The following EIF3E variants were observed in gnomAD, a reference collection of about 807,000 sequenced individuals.
EIF3E encodes the protein eIF-3 p48.
In EIF3E, 25 loss-of-function variants were observed where a neutral mutation model predicts 59.3. That is an observed-to-expected ratio of 0.42 (90% confidence interval 0.31 to 0.59). The LOEUF (loss-of-function observed/expected upper bound fraction) is 0.59. Among genes scored for constraint, EIF3E ranks in the 20% least tolerant of loss-of-function variants. EIF3E has a pLI of 0.15. For synonymous variants in EIF3E, 176 were observed against 170.2 expected (o/e 1.03, Z -0.26); for missense variants, 317 against 534.3 (o/e 0.59, Z 4.01).
At chr8:108,229,348 G>A in intron 5 of EIF3E, 153 bp from the exon 6 acceptor site, 2 of 675,124 alleles carry the variant, frequency 3.0e-6, no homozygotes, top group Non-Finnish European at 4.4e-6. Context: ...GGATCACACT[G>A]GTTTGTTTCA....
intron 7 of EIF3E, among the ~76,000 whole-genome samples, chr8:108,220,078 G>GGTTA (rs1277209257): frequency 6.6e-6 from 1 of 152,034 alleles, no homozygotes; most frequent in Non-Finnish European, 1.5e-5. Flanking sequence ...GGGAGGTGGA[G>GGTTA]GTTGCAGTGA....
intron 3 of EIF3E, among the ~76,000 whole-genome samples, chr8:108,237,886 G>A (rs918433358): frequency 3.9e-5 from 6 of 152,144 alleles, no homozygotes; most frequent in Non-Finnish European, 8.8e-5. Context: ...AATTTAAAAA[G>A]GGTGAATTGT....
chr8:108,227,673 G>C (rs964263010), intron 7 of EIF3E: 2 of 152,198 alleles, frequency 1.3e-5, no homozygotes, highest in Non-Finnish European at 2.9e-5. Context: ...AACATCTAAA[G>C]AGTTTCCATG....
chr8:108,245,296 T>C (rs1311713430), intron 1 of EIF3E, among the ~76,000 whole-genome samples: 4 of 151,918 alleles, frequency 2.6e-5, no homozygotes, highest in African/African-American at 4.8e-5. Flanking sequence ...TGAAACCCCA[T>C]CTCTACAAAA....
rs761963877 is a variant in EIF3E, at chr8:108,236,224, A to G, written c.324-21T>C. ...CATCCCTAAATAATAAAAAACAAAA[A>G]TTACATTATTTTAAAGGCCACAGAA... is the stretch of plus-strand genomic sequence containing the variant. On this transcript the variant is annotated intron_variant, in intron 3 of 12. Coordinates refer to ENST00000220849, the MANE Select transcript of EIF3E (RefSeq NM_001568.3). The G allele has an allele frequency of 7.5e-6, 12 of 1,600,924 alleles. No individual in the cohort carries two copies. In the South Asian group the frequency reaches 1.3e-4, roughly 18 times the overall value.
intron 1 of EIF3E, among the ~76,000 whole-genome samples, chr8:108,245,986 T>C (rs1815940758): frequency 6.6e-6 from 1 of 152,068 alleles, no homozygotes; most frequent in South Asian, 2.1e-4. Context: ...CAATCCTATA[T>C]TTACTGTTTT....
chr8:108,232,568 G>A (rs1815644124), intron 5 of EIF3E, among the ~76,000 whole-genome samples: 1 of 152,062 alleles, frequency 6.6e-6, no homozygotes, highest in South Asian at 2.1e-4. Flanking sequence ...GTACAAACCT[G>A]TCACTTGTAG....
At chr8:108,214,850 G>T in intron 9 of EIF3E, 134 bp from the exon 10 acceptor site, 1 of 704,254 alleles carries the variant, frequency 1.4e-6, no homozygotes, top group Non-Finnish European at 2.3e-6. Flanking sequence ...CTAGAACACT[G>T]TGTTCAAATC....
At chr8:108,248,294 C>T (rs1815987132) in intron 1 of EIF3E, among the ~76,000 whole-genome samples, 1 of 151,444 alleles carries the variant, frequency 6.6e-6, no homozygotes, top group East Asian at 1.9e-4. Flanking sequence ...CTGTGAAGCT[C>T]TAACGTTCTC....
intron 2 of EIF3E, among the ~76,000 whole-genome samples, chr8:108,240,885 CAGG>C (rs1586210802): frequency 6.6e-6 from 1 of 151,912 alleles, no homozygotes; most frequent in East Asian, 1.9e-4. Context: ...GAGGCTGAGG[CAGG>C]AGAATGGCGT....
At position 108,211,366 on chromosome 8, in the gene EIF3E, CAT is replaced by C. The variant is rs543716490; in HGVS notation, c.1061+3239_1061+3240del. 4.2e-3 allele frequency among the ~76,000 whole-genome samples: 632 copies of C among 152,254 alleles called. 4 individuals carry two copies. The highest frequency in any genetic ancestry group is 0.014 in the African/African-American group (601 of 41,536). ...TGGCCAGTGATGATGAGCATTTTTTCATATGTCTGTTGGCTGCATAAATGTCT... is the reference window on the plus strand; with the variant it reads ...TGGCCAGTGATGATGAGCATTTTTTCATGTCTGTTGGCTGCATAAATGTCT... On this transcript the variant is annotated intron_variant, in intron 10 of 12. Coordinates refer to ENST00000220849, the MANE Select transcript of EIF3E (RefSeq NM_001568.3).
intron 6 of EIF3E, 52 bp from the exon 7 acceptor site, chr8:108,228,443 G>A (rs1430040781): frequency 1.5e-6 from 2 of 1,313,402 alleles, no homozygotes; most frequent in East Asian, 2.9e-5. Flanking sequence ...TAAGAAAGAG[G>A]CAGGAGGACA....
intron 7 of EIF3E, among the ~76,000 whole-genome samples, chr8:108,226,896 T>C (rs997385795): frequency 2.0e-5 from 3 of 152,228 alleles, no homozygotes; most frequent in African/African-American, 7.2e-5. Flanking sequence ...GCCAAGTATA[T>C]AGTATTTCCT....
At chr8:108,210,892 T>C (rs1427572983) in intron 10 of EIF3E, among the ~76,000 whole-genome samples, 1 of 152,056 alleles carries the variant, frequency 6.6e-6, no homozygotes, top group African/African-American at 2.4e-5. Context: ...TGATGGTTTC[T>C]AGCTTCATCC....
At chr8:108,228,713 T>A (rs1262064857) in intron 6 of EIF3E, among the ~76,000 whole-genome samples, 1 of 152,198 alleles carries the variant, frequency 6.6e-6, no homozygotes, top group Non-Finnish European at 1.5e-5. Flanking sequence ...CATTTCATAG[T>A]AAGTGGTTTA....
Position 108,248,669 on chromosome 8 carries a change from G to A in EIF3E, c.34C>T (p.His12Tyr). 1 of 1,614,196 alleles carries A rather than the reference G, an allele frequency of 6.2e-7. No individual in the cohort carries two copies. Among genetic ancestry groups the A allele is most frequent in the Non-Finnish European group, 8.5e-7 (1 of 1,180,032 alleles). The change falls in exon 1 of 13, where the codon CAC becomes TAC. Residue 12 changes from histidine to tyrosine, a missense_variant. Around this residue, in one of 4 missense-constraint regions of EIF3E, gnomAD observed 30 missense variants for 22.2 expected, o/e 1.35. Transcript: ENST00000220849. ...AEYDLTTRIA[H>Y]FLDRHLVFPL... ...AAGACTAGATGCCGATCCAAAAAGT[G>A]CGCGATGCGAGTAGTCAAGTCGTAC...
chr8:108,236,256 A>G (rs1815727558), intron 3 of EIF3E, 53 bp from the exon 4 acceptor site: 8 of 1,434,518 alleles, frequency 5.6e-6, no homozygotes, highest in Non-Finnish European at 7.7e-6. Flanking sequence ...AGAAAACAAA[A>G]TAAGCATATC....
chr8:108,211,160 A>G (rs1412610910), intron 10 of EIF3E, among the ~76,000 whole-genome samples: 1 of 152,176 alleles, frequency 6.6e-6, no homozygotes, highest in African/African-American at 2.4e-5. Flanking sequence ...TAGATCCTTG[A>G]GGAATCACCA....
intron 10 of EIF3E, among the ~76,000 whole-genome samples, chr8:108,204,778 G>GAC (rs1815066411): frequency 5.7e-5 from 7 of 123,684 alleles, no homozygotes; most frequent in Non-Finnish European, 4.8e-5. Context: ...GAGAGAGAGA[G>GAC]AGACAGAGAG....
Sources: allele counts gnomAD v4.1 joint callset (sites outside exome capture counted in the v4.1 genomes callset), GRCh38; gene constraint gnomAD v4.1.1; regional missense constraint gnomAD v4.1.1; transcripts MANE v1.5; gene names NCBI Gene and HGNC (gene_info 2026-07-23, HGNC 2026-07-21).